ZNF768: variants seen among roughly 807,000 people sequenced by gnomAD.
The protein encoded by ZNF768 is zinc finger protein 768.
ZNF768 carries 12 observed loss-of-function variants against 39.7 expected under a neutral mutation model. The observed-to-expected ratio is 0.30, with a 90% CI of 0.19 to 0.49. ZNF768 has a LOEUF of 0.49. Ranked by LOEUF, ZNF768 falls within the 20% of genes least tolerant of loss-of-function variation. The pLI is 0.99. For synonymous variants in ZNF768, 360 were observed against 288.4 expected (o/e 1.25, Z -2.52); for missense variants, 613 against 723.2 (o/e 0.85, Z 1.75).
At chr16:30,530,241 C>T (rs2151216888), upstream of ZNF768, 1 of 152,262 alleles carries the variant, frequency 6.6e-6, no homozygotes, top group East Asian at 1.9e-4. This position sits in a 1 kb window ranked among gnomAD's most constrained non-coding sequence, Gnocchi z 4.4. Context: ...TTAAGGGTTT[C>T]ACGACACTAA....
Position 30,525,506 on chromosome 16 carries a change from T to C in ZNF768, c.634A>G (p.Ile212Val), listed in dbSNP as rs1429272508. The C allele has an allele frequency of 1.2e-6, 2 of 1,614,048 alleles. No homozygotes were observed. Among genetic ancestry groups the C allele is most frequent in the Non-Finnish European group, 1.7e-6 (2 of 1,180,026 alleles). Residue 212 changes from isoleucine to valine, a missense_variant, in exon 2 of 2, where the codon ATA (isoleucine) becomes GTA (valine). Transcript: ENST00000380412. ...FGEQPTGDLPIGPPFEMPTGA... is the reference protein window; with the variant it reads ...FGEQPTGDLPVGPPFEMPTGA... The stretch of plus-strand genomic sequence containing the variant: ...GTGGGCATCTCAAAAGGTGGCCCTA[T>C]GGGCAGGTCCCCTGTGGGCTGCTCC...
rs1156806002 is a variant in ZNF768 at position 30,525,740 on chromosome 16, C to T, written c.400G>A (p.Gly134Arg). The change falls in exon 2 of 2, where the codon GGG (glycine) becomes AGG (arginine). Residue 134 changes from glycine to arginine, a missense_variant. This residue lies in a region of ZNF768 where 347 missense variants were observed against 326.1 expected (regional missense o/e 1.06). Transcript: ENST00000380412. ...QSPGYEPRSP[G>R]YEPRSPGYES... ...TAGCCAGGGCTCCGGGGTTCATACC[C>T]GGGGCTCCGAGGTTCATAGCCAGGG... 2 of 1,607,116 alleles carry T rather than the reference C, an allele frequency of 1.2e-6. No homozygotes were observed. The highest frequency in any genetic ancestry group is 1.7e-6 in the Non-Finnish European group (2 of 1,177,188).
chr16:30,524,463 C>A lies in ZNF768; in HGVS notation c.*54G>T. ...CTATCCTCCCTAAAGGTTCCTCTAG[C>A]TCCCTGGCCCCTTATCTTCTGCCCA... On this transcript the variant is annotated 3_prime_UTR_variant, in exon 2 of 2. Transcript: ENST00000380412. 1 of 1,549,142 alleles carries A rather than the reference C, an allele frequency of 6.5e-7. No homozygotes were observed.
intron 1 of ZNF768, 101 bp from the exon 2 acceptor site, chr16:30,526,152 A>G (rs2051321573): frequency 6.7e-7 from 1 of 1,499,288 alleles, no homozygotes; most frequent in Non-Finnish European, 8.9e-7. Context: ...GCTGGCCCCT[A>G]GACAAGTGCT....
At chr16:30,526,301 C>T (rs1347642856) in intron 1 of ZNF768, 25 bp downstream of exon 1, 8 of 1,608,286 alleles carry the variant, frequency 5.0e-6, no homozygotes, top group African/African-American at 1.3e-5. Context: ...CAAGTCCACT[C>T]CTCGGACGGG....
chr16:30,529,671 G>A (rs2151216703), upstream of ZNF768, among the ~76,000 whole-genome samples: 1 of 152,250 alleles, frequency 6.6e-6, no homozygotes, highest in African/African-American at 2.4e-5. Flanking sequence ...GACAGGCCCT[G>A]GGACCAACCA....
upstream of ZNF768, among the ~76,000 whole-genome samples, chr16:30,529,272 G>A (rs2151216591): frequency 6.6e-6 from 1 of 152,378 alleles, no homozygotes; most frequent in Admixed American, 6.5e-5. Flanking sequence ...GGAGTCCACT[G>A]GCATTGTCCT....
chr16:30,526,592 G>A (rs1439472058), upstream of ZNF768: 5 of 1,019,892 alleles, frequency 4.9e-6, no homozygotes, highest in Admixed American at 5.8e-5. Context: ...CCAGCGCGCC[G>A]GGCCCCTCCC....
Position 30,524,171 on chromosome 16 carries a change from A to C in ZNF768, c.*346T>G. 1 of 257,532 alleles carries C rather than the reference A, an allele frequency of 3.9e-6. No individual in the cohort carries two copies. The highest frequency in any genetic ancestry group is 5.0e-5 in the Admixed American group (1 of 20,090). The allele number at this position is 257,532 out of a possible 1,614,324, so 16.0% of individuals were successfully genotyped here. Reference sequence around the variant, plus strand: ...TGACTCAACGAGAGTTTCAGCAGCTACCAATCTAAGCTAACCCACTCTAAT... The same window carrying C: ...TGACTCAACGAGAGTTTCAGCAGCTCCCAATCTAAGCTAACCCACTCTAAT... On this transcript the variant is annotated 3_prime_UTR_variant, in exon 2 of 2. Transcript: ENST00000380412.
chr16:30,525,724 C>T lies in ZNF768; in HGVS notation c.416G>A (p.Ser139Asn), dbSNP rs767322800. ...AGAGCTCTCAGATTCATAGCCAGGG[C>T]TCCGGGGTTCATACCCGGGGCTCCG... is the stretch of plus-strand genomic sequence containing the variant. ...EPRSPGYEPR[S>N]PGYESESSRY... The change falls in exon 2 of 2, where the codon AGC becomes AAC. Residue 139 changes from serine (S) to asparagine (N), a missense_variant. This residue lies in a region of ZNF768 where 347 missense variants were observed against 326.1 expected (regional missense o/e 1.06). Transcript: ENST00000380412. The T allele has an allele frequency of 2.5e-6, 4 of 1,612,018 alleles. No homozygotes were observed. In the South Asian group the frequency reaches 4.4e-5, roughly 18 times the overall value.
At chr16:30,527,652 C>G (rs973104367), upstream of ZNF768, 2 of 152,346 alleles carry the variant, frequency 1.3e-5, no homozygotes, top group African/African-American at 2.4e-5. Context: ...TTCCCGCCCC[C>G]ACTTAGCCTC....
chr16:30,532,144 G>A, the ZNF768 span: 8 of 301,000 alleles, frequency 2.7e-5, no homozygotes, highest in African/African-American at 1.1e-4. Flanking sequence ...GCAAAACTCC[G>A]TCTCAAAAAA....
chr16:30,529,139 CAAGG>C (rs2051350540), upstream of ZNF768, among the ~76,000 whole-genome samples: 1 of 152,236 alleles, frequency 6.6e-6, no homozygotes, highest in Admixed American at 6.5e-5. Context: ...AGGGACTTCA[CAAGG>C]AAGCCAGCCT....
At position 30,524,866 on chromosome 16, in the gene ZNF768, C is replaced by A. The variant is rs1285789087; in HGVS notation, c.1274G>T (p.Arg425Leu). The part of the protein sequence containing the change: ...ALIPHARSHA[R>L]EKPFKCPECG... Reference sequence around the variant, plus strand: ...CTCAGGGCACTTGAAGGGCTTCTCCCGGGCGTGGCTGCGGGCATGGGGGAT... The same window carrying A: ...CTCAGGGCACTTGAAGGGCTTCTCCAGGGCGTGGCTGCGGGCATGGGGGAT... The change falls in exon 2 of 2, where the codon CGG becomes CTG. Residue 425 changes from arginine to leucine, a missense_variant. Arg to Leu is a moderately radical substitution (Grantham distance 102). Around this residue, in one of 4 missense-constraint regions of ZNF768, gnomAD observed 204 missense variants for 281.7 expected, o/e 0.72. Transcript: ENST00000380412. 6.2e-7 allele frequency: 1 copy of A among 1,611,064 alleles called. No individual in the cohort carries two copies.
Position 30,525,219 on chromosome 16 carries a change from G to A in ZNF768, c.921C>T (p.His307=), listed in dbSNP as rs1312721165. Residue 307 remains histidine, a synonymous_variant, in exon 2 of 2, where the codon CAC becomes CAT. Transcript: ENST00000380412. Reference sequence around the variant, plus strand: ...GCCGCTCGCCAGTGTGGGTGCGCTGGTGTTTGATGAGGTCAGAGCTCTGGG... The same window carrying A: ...GCCGCTCGCCAGTGTGGGTGCGCTGATGTTTGATGAGGTCAGAGCTCTGGG... The part of the protein sequence containing the change: ...AFSQSSDLIK[H]QRTHTGERPY... 1.2e-6 allele frequency: 2 copies of A among 1,614,228 alleles called. No individual in the cohort carries two copies. Among genetic ancestry groups the A allele is most frequent in the Non-Finnish European group, 1.7e-6 (2 of 1,180,034 alleles).
chr16:30,524,950 C>T lies in ZNF768; in HGVS notation c.1190G>A (p.Gly397Asp). ...GATGCCACAGCTGAAGGGCCTCTGA[C>T]CGGTGTGCACCCTCTGATGGCTGCG... ...SLRSHQRVHT[G>D]QRPFSCGICG... The change falls in exon 2 of 2, where the codon GGT (glycine) becomes GAT (aspartate). Residue 397 changes from glycine (G) to aspartate (D), a missense_variant. Coordinates refer to ENST00000380412, the MANE Select transcript of ZNF768 (RefSeq NM_024671.4). 6.2e-7 allele frequency: 1 copy of T among 1,613,770 alleles called. No individual in the cohort carries two copies. Among genetic ancestry groups the T allele is most frequent in the Non-Finnish European group, 8.5e-7 (1 of 1,179,894 alleles).
chr16:30,528,949 G>A (rs1246526603), upstream of ZNF768, among the ~76,000 whole-genome samples: 9 of 152,208 alleles, frequency 5.9e-5, no homozygotes, highest in African/African-American at 1.7e-4. Flanking sequence ...CTCTGACACC[G>A]TACACTGCCT....
chr16:30,525,957 C>G lies in ZNF768; in HGVS notation c.183G>C (p.Gln61His). Residue 61 changes from glutamine (Q) to histidine (H), a missense_variant, in exon 2 of 2, where the codon CAG (glutamine) becomes CAC (histidine). Physicochemically the swap from Gln to His is conservative, Grantham distance 24 (BLOSUM62 0). This residue lies in a region of ZNF768 where 347 missense variants were observed against 326.1 expected (regional missense o/e 1.06). Transcript: ENST00000380412. ...VEEIPFGLEP[Q>H]SPGFEPQSPE... ...GGCTTTGTGGCTCAAACCCAGGGCT[C>G]TGGGGTTCAAGCCCAAATGGTATCT... 4 of 1,511,406 alleles carry G rather than the reference C, an allele frequency of 2.6e-6. No individual in the cohort carries two copies. Among genetic ancestry groups the G allele is most frequent in the Non-Finnish European group, 3.5e-6 (4 of 1,132,904 alleles). 93.6% of individuals were successfully genotyped at this position (1,511,406 alleles called of 1,614,324 possible). A position where few individuals can be genotyped will look rare whatever the true frequency, so the allele number is the denominator to read the frequency against.
At chr16:30,531,158 C>CT (rs1315986159), upstream of ZNF768, 1 of 152,190 alleles carries the variant, frequency 6.6e-6, no homozygotes, top group African/African-American at 2.4e-5. Flanking sequence ...CTTTGCTGTA[C>CT]TTTAAGATAA....
Sources: allele counts gnomAD v4.1 joint callset (sites outside exome capture counted in the v4.1 genomes callset), GRCh38; gene constraint gnomAD v4.1.1; regional missense constraint gnomAD v4.1.1; non-coding constraint Gnocchi (gnomAD v3.1); transcripts MANE v1.5; gene names NCBI Gene and HGNC (gene_info 2026-07-23, HGNC 2026-07-21).